The following RPS6KA2 variants were observed in gnomAD, a reference collection of about 807,000 sequenced individuals.
RPS6KA2 encodes the protein ribosomal protein S6 kinase A2.
Under a neutral mutation model 91.8 loss-of-function variants are expected in RPS6KA2, and 42 were observed. The ratio of observed to expected loss-of-function variants is 0.46; its 90% CI spans 0.36 to 0.59. RPS6KA2 has a LOEUF of 0.59. Ranked by LOEUF, RPS6KA2 falls within the 20% of genes least tolerant of loss-of-function variation. The pLI is 0.00. For missense variants in RPS6KA2, 798 were observed against 978.5 expected, an observed-to-expected ratio of 0.82 and a Z score of 2.46; for synonymous variants, 414 against 393.6, an observed-to-expected ratio of 1.05 and a Z score of -0.61.
chr6:166,681,040 C>T (rs1328285970), intron 2 of RPS6KA2, among the ~76,000 whole-genome samples: 1 of 152,196 alleles, frequency 6.6e-6, no homozygotes, highest in African/African-American at 2.4e-5. Flanking sequence ...TCTTCTCACC[C>T]CTTCTGCTCT....
intron 1 of RPS6KA2, among the ~76,000 whole-genome samples, chr6:166,598,007 T>A (rs1332498478): frequency 6.6e-6 from 1 of 152,196 alleles, no homozygotes; most frequent in Non-Finnish European, 1.5e-5. Context: ...TCTGTTCCCA[T>A]CTAAATGGGT....
At chr6:166,561,054 T>C (rs1355992208) in intron 1 of RPS6KA2, among the ~76,000 whole-genome samples, 1 of 152,056 alleles carries the variant, frequency 6.6e-6, no homozygotes, top group Non-Finnish European at 1.5e-5. Context: ...GTTCAACTTA[T>C]CCACCATTAA....
chr6:166,462,766 C>A (rs1780366467), intron 11 of RPS6KA2, among the ~76,000 whole-genome samples: 1 of 152,238 alleles, frequency 6.6e-6, no homozygotes, highest in South Asian at 2.1e-4. Flanking sequence ...GTGCTTTCCA[C>A]CCCTCGGCTG....
intron 1 of RPS6KA2, among the ~76,000 whole-genome samples, chr6:166,599,736 G>C (rs192143143): frequency 3.3e-4 from 51 of 152,332 alleles, no homozygotes; most frequent in Non-Finnish European, 6.3e-4. Flanking sequence ...CAGATTAGCA[G>C]GAGTGTTAGC....
chr6:166,690,494 C>G (rs1050840896), intron 2 of RPS6KA2, among the ~76,000 whole-genome samples: 2 of 152,232 alleles, frequency 1.3e-5, no homozygotes, highest in Non-Finnish European at 2.9e-5. Context: ...AGGTGCCAAA[C>G]AGCTTTACAC....
At chr6:166,741,699 C>T (rs3734597) in intron 2 of RPS6KA2, among the ~76,000 whole-genome samples, 1,566 of 152,286 alleles carry the variant, frequency 0.01, 43 homozygotes, top group East Asian at 0.1. Context: ...TCCAGGGCCC[C>T]GCCTTCAAGG....
At chr6:166,436,328 A>AAAAC (rs1248035840) in intron 14 of RPS6KA2, among the ~76,000 whole-genome samples, 72 of 152,126 alleles carry the variant, frequency 4.7e-4, no homozygotes, top group African/African-American at 1.5e-3. Context: ...AAAAAAAAAA[A>AAAAC]AAAAAACCTC....
At chr6:166,752,786 T>C (rs1478042783) in intron 2 of RPS6KA2, among the ~76,000 whole-genome samples, 1 of 152,178 alleles carries the variant, frequency 6.6e-6, no homozygotes, top group Admixed American at 6.5e-5. Flanking sequence ...ACTCTCCCCA[T>C]AGTTTTGTGC....
rs533195716 is a variant in RPS6KA2 at position 166,538,438 on chromosome 6, A to C, written c.216+230T>G. Among the ~76,000 whole-genome samples the C allele has an allele frequency of 1.3e-4, 20 of 152,278 alleles. No homozygotes were observed. In the South Asian group the frequency reaches 4.1e-3, roughly 32 times the overall value. On this transcript the variant is annotated intron_variant, in intron 2 of 20. Coordinates refer to ENST00000265678, the MANE Select transcript of RPS6KA2 (RefSeq NM_021135.6). Reference sequence around the variant, plus strand: ...AAGGGAGGCTCTAGAGAGAAGGCAAAAGTGCATGTGACGGCTCCAACGGCA... The same window carrying C: ...AAGGGAGGCTCTAGAGAGAAGGCAACAGTGCATGTGACGGCTCCAACGGCA...
At chr6:166,843,597 T>C (rs1171907775) in intron 2 of RPS6KA2, among the ~76,000 whole-genome samples, 1 of 152,170 alleles carries the variant, frequency 6.6e-6, no homozygotes, top group Non-Finnish European at 1.5e-5. Flanking sequence ...ATCACAGGAC[T>C]CTTTGCAGAC....
At chr6:166,552,407 C>T (rs1784048010) in intron 1 of RPS6KA2, among the ~76,000 whole-genome samples, 1 of 152,254 alleles carries the variant, frequency 6.6e-6, no homozygotes, top group Non-Finnish European at 1.5e-5. Flanking sequence ...TGGCCTCACC[C>T]ACATGATGAC....
intron 2 of RPS6KA2, among the ~76,000 whole-genome samples, chr6:166,663,113 G>A (rs1235871476): frequency 6.6e-6 from 1 of 151,338 alleles, no homozygotes; most frequent in Non-Finnish European, 1.5e-5. Flanking sequence ...CATTGTTAGG[G>A]GAGCCTGAGC....
intron 1 of RPS6KA2, among the ~76,000 whole-genome samples, chr6:166,581,937 G>A (rs1188910871): frequency 6.9e-6 from 1 of 144,174 alleles, no homozygotes; most frequent in African/African-American, 2.6e-5. Flanking sequence ...GGGCAGGAGG[G>A]CACAGGGAGA....
Position 166,665,848 on chromosome 6 carries a change from A to C in RPS6KA2, c.124-127064T>G, listed in dbSNP as rs1234948628. The stretch of plus-strand genomic sequence containing the variant: ...ACCTTCACAGAGGCAGAGCTGGATC[A>C]GAAGAAGGTGCAGCTCTGCTCAGCA... On this transcript the variant is annotated intron_variant, in intron 2 of 21. Coordinates refer to the RPS6KA2 transcript ENST00000503859. This position sits in a 1 kb window ranked among gnomAD's most constrained non-coding sequence, Gnocchi z 4.5. Among the ~76,000 whole-genome samples the C allele has an allele frequency of 2.0e-5, 3 of 152,220 alleles. No homozygotes were observed. The highest frequency in any genetic ancestry group is 2.0e-4 in the Admixed American group (3 of 15,286).
chr6:166,650,841 G>A (rs1485381364), intron 2 of RPS6KA2, among the ~76,000 whole-genome samples: 2 of 152,304 alleles, frequency 1.3e-5, no homozygotes, highest in African/African-American at 2.4e-5. Context: ...TGCAGGTCTC[G>A]TTTGGGCAGG....
At chr6:166,748,233 C>T (rs375702819) in intron 2 of RPS6KA2, among the ~76,000 whole-genome samples, 8 of 152,212 alleles carry the variant, frequency 5.3e-5, no homozygotes, top group East Asian at 3.9e-4. Flanking sequence ...TTCAGGAGGG[C>T]GGGATGAGGG....
In RPS6KA2 at chr6:166,837,471, G is replaced by A. The variant is rs182756696; in HGVS notation, c.123+20729C>T. ...TGGCTAAGGGCTCTGTACCACAAGA[G>A]GGAAAAGGCGACCGCAGGGTGGACC... On this transcript the variant is annotated intron_variant, in intron 2 of 21. Coordinates refer to the RPS6KA2 transcript ENST00000503859. Among the ~76,000 whole-genome samples, 329 of 152,330 alleles carry A rather than the reference G, an allele frequency of 2.2e-3. 4 individuals are homozygous for A. Among genetic ancestry groups the A allele is most frequent in the African/African-American group, 7.4e-3 (309 of 41,570 alleles).
At chr6:166,783,673 C>T (rs566294292) in intron 2 of RPS6KA2, among the ~76,000 whole-genome samples, 11 of 152,226 alleles carry the variant, frequency 7.2e-5, no homozygotes, top group South Asian at 2.1e-4. Flanking sequence ...TATGTATACA[C>T]ATGTGCACAC....
At chr6:166,541,957 C>T (rs1010656515) in intron 1 of RPS6KA2, among the ~76,000 whole-genome samples, 5 of 152,162 alleles carry the variant, frequency 3.3e-5, no homozygotes, top group Admixed American at 6.5e-5. Context: ...GCATCTGAGG[C>T]GTCAATGGAA....
Sources: gnomAD v4.1 joint callset for allele counts (sites outside exome capture counted in the v4.1 genomes callset) on GRCh38, gnomAD v4.1.1 for gene constraint, Gnocchi (gnomAD v3.1) non-coding constraint, MANE v1.5 for transcripts, NCBI Gene and HGNC (gene_info 2026-07-23, HGNC 2026-07-21) for gene names.